The following TJP1 variants were observed in gnomAD, a reference collection of about 807,000 sequenced individuals.
TJP1 encodes the protein tight junction protein ZO-1.
TJP1 carries 43 observed loss-of-function variants against 194.2 expected under a neutral mutation model. The ratio of observed to expected loss-of-function variants is 0.22; its 90% confidence interval spans 0.17 to 0.29. The LOEUF (loss-of-function observed/expected upper bound fraction) is 0.29. Among genes scored for constraint, TJP1 ranks in the 10% least tolerant of loss-of-function variants. TJP1 has a pLI of 1.00. For synonymous variants in TJP1, 801 were observed against 779.0 expected (o/e 1.03, Z -0.47); for missense variants, 1,971 against 2,185.7 (o/e 0.90, Z 1.96).
At chr15:29,795,987 A>G (rs2048377296) in intron 2 of TJP1, among the ~76,000 whole-genome samples, 2 of 152,162 alleles carry the variant, frequency 1.3e-5, no homozygotes, top group South Asian at 2.1e-4. Context: ...TCAGTAAACT[A>G]AGATAAAAGG....
chr15:29,922,992 G>T (rs966764219), intron 2 of TJP1, among the ~76,000 whole-genome samples: 7 of 152,234 alleles, frequency 4.6e-5, no homozygotes, highest in Admixed American at 2.0e-4. Flanking sequence ...TGCAAAAAAT[G>T]CTAACAATAA....
At chr15:29,900,165 G>A (rs2053593218) in intron 2 of TJP1, among the ~76,000 whole-genome samples, 1 of 152,156 alleles carries the variant, frequency 6.6e-6, no homozygotes, top group Non-Finnish European at 1.5e-5. Flanking sequence ...CTGTCCAGAA[G>A]CAAGGAGCCA....
chr15:29,731,346 G>A (rs1300078936), intron 15 of TJP1, among the ~76,000 whole-genome samples: 2 of 152,096 alleles, frequency 1.3e-5, no homozygotes, highest in Non-Finnish European at 2.9e-5. Flanking sequence ...CCCTTTCCAC[G>A]TTTCAGCATA....
chr15:29,941,484 C>G (rs2055075008), intron 2 of TJP1, among the ~76,000 whole-genome samples: 1 of 152,176 alleles, frequency 6.6e-6, no homozygotes, highest in Non-Finnish European at 1.5e-5. Context: ...CTTGAGGCCA[C>G]CCTCATGGGG....
At chr15:29,942,886 T>C (rs2055130546) in intron 2 of TJP1, among the ~76,000 whole-genome samples, 1 of 152,178 alleles carries the variant, frequency 6.6e-6, no homozygotes, top group Admixed American at 6.5e-5. Context: ...CATTTTTCTT[T>C]TCTTCCTTTT....
chr15:29,952,368 A>G (rs988753111), intron 2 of TJP1, among the ~76,000 whole-genome samples: 1 of 152,212 alleles, frequency 6.6e-6, no homozygotes, highest in African/African-American at 2.4e-5. Context: ...GATGCCAATC[A>G]ATTATCCTGC....
At chr15:29,767,750 C>T (rs2046413574) in intron 4 of TJP1, among the ~76,000 whole-genome samples, 1 of 152,114 alleles carries the variant, frequency 6.6e-6, no homozygotes, top group Non-Finnish European at 1.5e-5. Context: ...CTCCCCCTCC[C>T]CTCCTAAATT....
rs756852190 is a variant in TJP1, at chr15:29,741,367, A to G, written c.1220T>C (p.Val407Ala). ...ATCTTCATGAGTTGAATTAGGTAGG[A>G]CACCATCAGATGGACTGACAGGTAA... ...VDLPVSPSDG[V>A]LPNSTHEDGI... Residue 407 changes from valine (V) to alanine (A), a missense_variant, in exon 10 of 28, where the codon GTC becomes GCC. Physicochemically the swap from Val to Ala is moderately conservative, Grantham distance 64. Around this residue, in one of 5 missense-constraint regions of TJP1, gnomAD observed 192 missense variants for 182.3 expected, o/e 1.05. Coordinates refer to ENST00000614355, the MANE Select transcript of TJP1 (RefSeq NM_001330239.4). 6 of 1,599,320 alleles carry G rather than the reference A, an allele frequency of 3.8e-6. No individual in the cohort carries two copies. The South Asian group carries it at 5.7e-5, about 15-fold the overall frequency.
At chr15:29,817,252 T>G (rs549789364) in intron 1 of TJP1, among the ~76,000 whole-genome samples, 4 of 152,290 alleles carry the variant, frequency 2.6e-5, no homozygotes, top group Admixed American at 1.3e-4. Context: ...CACCGATCAT[T>G]AGAGAAATGC....
At chr15:29,923,986 C>A (rs999747550) in intron 2 of TJP1, among the ~76,000 whole-genome samples, 1 of 152,220 alleles carries the variant, frequency 6.6e-6, no homozygotes, top group Non-Finnish European at 1.5e-5. Context: ...TCATTTGTTA[C>A]TCCACCTTTC....
chr15:29,953,008 G>C (rs1257766232), intron 2 of TJP1, among the ~76,000 whole-genome samples: 1 of 152,058 alleles, frequency 6.6e-6, no homozygotes, highest in Admixed American at 6.6e-5. Context: ...GGTTCTACAT[G>C]ATTATATTAC....
At chr15:29,706,937 G>T (rs904524768) in intron 25 of TJP1, among the ~76,000 whole-genome samples, 4 of 152,148 alleles carry the variant, frequency 2.6e-5, no homozygotes, top group Non-Finnish European at 4.4e-5. Flanking sequence ...TTAGAGGCAT[G>T]AGCCACCGTG....
intron 2 of TJP1, among the ~76,000 whole-genome samples, chr15:29,949,020 C>G (rs1451670101): frequency 6.6e-6 from 1 of 150,506 alleles, no homozygotes; most frequent in East Asian, 2.0e-4. Context: ...CCACTTCTAC[C>G]CTCACAAACA....
rs144983486 is a variant in TJP1 at position 29,718,807 on chromosome 15, T to C, written c.3335A>G (p.Gln1112Arg). The C allele has an allele frequency of 1.1e-4, 175 of 1,614,146 alleles. No individual in the cohort carries two copies. In the African/African-American group the frequency reaches 2.1e-3, roughly 19 times the overall value. The change falls in exon 21 of 28, where the codon CAA (glutamine) becomes CGA (arginine). Residue 1112 changes from glutamine to arginine, a missense_variant. This residue lies in a region of TJP1 where 1,108 missense variants were observed against 1,128.5 expected (regional missense o/e 0.98). Coordinates refer to ENST00000614355, the MANE Select transcript of TJP1 (RefSeq NM_001330239.4). ...GGGATGCTGTCTGGAGTCAAGGTCT[T>C]GAGAGTGCTGATTATCAAAAGGTGG... The part of the protein sequence containing the change: ...SRPPFDNQHS[Q>R]DLDSRQHPEE...
intron 2 of TJP1, among the ~76,000 whole-genome samples, chr15:29,916,539 T>C (rs1313139948): frequency 6.6e-6 from 1 of 152,086 alleles, no homozygotes; most frequent in Non-Finnish European, 1.5e-5. Flanking sequence ...CTTCCTACAA[T>C]AGAAAGCCAA....
intron 2 of TJP1, among the ~76,000 whole-genome samples, chr15:29,845,523 TGGCTG>T (rs1234331854): frequency 6.6e-6 from 1 of 152,136 alleles, no homozygotes; most frequent in Non-Finnish European, 1.5e-5. Flanking sequence ...TAAATTGTAC[TGGCTG>T]GGCGCAGAGG....
chr15:29,806,778 T>TG (rs2049137642), intron 1 of TJP1, among the ~76,000 whole-genome samples: 1 of 152,124 alleles, frequency 6.6e-6, no homozygotes. Context: ...GCAACACAAA[T>TG]GAAGTACAAA....
intron 2 of TJP1, among the ~76,000 whole-genome samples, chr15:29,907,411 A>G (rs1460787016): frequency 2.6e-5 from 4 of 152,184 alleles, no homozygotes; most frequent in Non-Finnish European, 5.9e-5. Context: ...TCCATCTCAA[A>G]AAAACAAAAA....
intron 2 of TJP1, among the ~76,000 whole-genome samples, chr15:29,898,536 GATC>G (rs1235947513): frequency 3.9e-5 from 6 of 152,094 alleles, no homozygotes; most frequent in Admixed American, 2.6e-4. Context: ...TATATTTAGT[GATC>G]ATATTTCAGA....
Sources: gnomAD v4.1 joint callset for allele counts (sites outside exome capture counted in the v4.1 genomes callset) on GRCh38, gnomAD v4.1.1 for gene constraint, gnomAD v4.1.1 regional missense constraint, MANE v1.5 for transcripts, NCBI Gene and HGNC (gene_info 2026-07-23, HGNC 2026-07-21) for gene names.